CNTN3: variants seen among roughly 807,000 people sequenced by gnomAD.
CNTN3 encodes contactin-3.
A neutral mutation model predicts 119.1 loss-of-function variants in CNTN3; 60 were observed. That is an observed-to-expected ratio of 0.50 (90% CI 0.41 to 0.62). The LOEUF (loss-of-function observed/expected upper bound fraction) is 0.62, where lower values mean the gene tolerates loss of function less well. Among genes scored for constraint, CNTN3 ranks in the 20% least tolerant of loss-of-function variants. The pLI, the probability that CNTN3 is intolerant of heterozygous loss-of-function variation, is 0.00. For synonymous variants in CNTN3, 450 were observed against 438.7 expected, an observed-to-expected ratio of 1.03 and a Z score of -0.32; for missense variants, 1,101 against 1,242.4, an observed-to-expected ratio of 0.89 and a Z score of 1.71.
chr3:74,440,985 C>A (rs1459646133), intron 4 of CNTN3, among the ~76,000 whole-genome samples: 1 of 151,990 alleles, frequency 6.6e-6, no homozygotes, highest in Non-Finnish European at 1.5e-5. Flanking sequence ...GGAAACAATC[C>A]CCCATGGACA....
chr3:74,317,328 C>T (rs1477487988), intron 13 of CNTN3, among the ~76,000 whole-genome samples: 4 of 151,504 alleles, frequency 2.6e-5, no homozygotes, highest in Admixed American at 6.6e-5. Flanking sequence ...GAGCATTTAG[C>T]CCATTTACAT....
chr3:74,304,577 C>T (rs1038340058), intron 13 of CNTN3, among the ~76,000 whole-genome samples: 1 of 152,146 alleles, frequency 6.6e-6, no homozygotes, highest in Non-Finnish European at 1.5e-5. Flanking sequence ...TTTATGTCCT[C>T]ACATATCTGG....
chr3:74,280,048 G>C (rs574601421), intron 20 of CNTN3, among the ~76,000 whole-genome samples: 1 of 152,156 alleles, frequency 6.6e-6, no homozygotes, highest in East Asian at 1.9e-4. Flanking sequence ...CTAAATGTTT[G>C]AGGGGATGGA....
intron 13 of CNTN3, among the ~76,000 whole-genome samples, chr3:74,318,201 G>A (rs574192570): frequency 9.9e-5 from 15 of 152,178 alleles, no homozygotes; most frequent in African/African-American, 3.6e-4. Flanking sequence ...GCTCCTTTAA[G>A]GACTTCTCTG....
chr3:74,363,619 A>G (rs1234715815), intron 10 of CNTN3, among the ~76,000 whole-genome samples: 1 of 152,190 alleles, frequency 6.6e-6, no homozygotes, highest in East Asian at 1.9e-4. Context: ...GGCCAATGGC[A>G]TGCAACACTT....
At chr3:74,579,896 A>C (rs1199361341) in intron 1 of CNTN3, among the ~76,000 whole-genome samples, 2 of 152,154 alleles carry the variant, frequency 1.3e-5, no homozygotes, top group African/African-American at 2.4e-5. Context: ...AACAAACAAA[A>C]CATTTTAAAA....
chr3:74,337,585 A>C (rs1703428170), intron 11 of CNTN3, among the ~76,000 whole-genome samples: 1 of 152,092 alleles, frequency 6.6e-6, no homozygotes, highest in African/African-American at 2.4e-5. Context: ...GAACCAAGTG[A>C]AAGGGGTTCC....
chr3:74,347,119 G>A (rs1052586197), intron 11 of CNTN3, among the ~76,000 whole-genome samples: 2 of 152,074 alleles, frequency 1.3e-5, no homozygotes, highest in African/African-American at 4.8e-5. Flanking sequence ...GCCAAGTTGG[G>A]AGCTGTATAA....
At chr3:74,392,548 G>A (rs190390867) in intron 5 of CNTN3, among the ~76,000 whole-genome samples, 2 of 152,304 alleles carry the variant, frequency 1.3e-5, no homozygotes, top group East Asian at 3.9e-4. Flanking sequence ...TAGGTCGAGA[G>A]AATATTGTAC....
Position 74,551,869 on chromosome 3 carries a change from T to C in CNTN3, c.-80-30677A>G, listed in dbSNP as rs141444143. 4.0e-3 allele frequency among the ~76,000 whole-genome samples: 595 copies of C among 150,586 alleles called. 4 individuals carry two copies. The highest frequency in any genetic ancestry group is 0.014 in the African/African-American group (557 of 40,982). On this transcript the variant is annotated intron_variant, in intron 1 of 22. Transcript: ENST00000263665. ...GCCTCTGCCTTGTGGGTTCCAGAGA[T>C]TGTCCTGTCTCAGCCTCCTGGGTAG...
intron 11 of CNTN3, among the ~76,000 whole-genome samples, chr3:74,353,426 G>C (rs573744545): frequency 1.1e-3 from 172 of 152,296 alleles, no homozygotes; most frequent in Non-Finnish European, 2.1e-3. Context: ...TACTTGATCA[G>C]GGTGGAGATG....
At chr3:74,530,912 G>A (rs1291537710) in intron 1 of CNTN3, among the ~76,000 whole-genome samples, 2 of 151,864 alleles carry the variant, frequency 1.3e-5, no homozygotes, top group African/African-American at 2.4e-5. Context: ...AGAACCACTG[G>A]AAGAAAACGC....
chr3:74,555,341 C>G (rs1031290784), intron 1 of CNTN3, among the ~76,000 whole-genome samples: 10 of 152,124 alleles, frequency 6.6e-5, no homozygotes, highest in African/African-American at 2.4e-4. Context: ...ATTTTTGCAT[C>G]AATGATCATC....
intron 1 of CNTN3, among the ~76,000 whole-genome samples, chr3:74,588,189 A>G (rs1031185741): frequency 6.6e-6 from 1 of 152,000 alleles, no homozygotes; most frequent in African/African-American, 2.4e-5. Context: ...GTTTGCCAGT[A>G]TTTTATTGAG....
At chr3:74,449,505 C>T (rs2106944444) in intron 4 of CNTN3, among the ~76,000 whole-genome samples, 1 of 152,120 alleles carries the variant, frequency 6.6e-6, no homozygotes, top group African/African-American at 2.4e-5. Context: ...TTTCCAGGCC[C>T]CAGTCCTAAA....
rs1173477472 is a variant in CNTN3, at chr3:74,263,296, T to C, written c.*1105A>G. ...AATTTAACTCAGGAACTAAAAAGCC[T>C]GCCAGACTCACTCAGATAGATGGTG... On this transcript the variant is annotated 3_prime_UTR_variant, in exon 23 of 23. Transcript: ENST00000263665. 1 of 152,078 alleles carries C rather than the reference T, an allele frequency of 6.6e-6. No homozygotes were observed. The highest frequency in any genetic ancestry group is 1.5e-5 in the Non-Finnish European group (1 of 67,978). The allele number at this position is 152,078 out of a possible 1,614,324, so 9.4% of individuals were successfully genotyped here. A position where few individuals can be genotyped will look rare whatever the true frequency, so the allele number is the denominator to read the frequency against.
chr3:74,542,249 C>G (rs1412055590), intron 1 of CNTN3, among the ~76,000 whole-genome samples: 1 of 152,048 alleles, frequency 6.6e-6, no homozygotes, highest in Non-Finnish European at 1.5e-5. Context: ...GTAGCATACT[C>G]TAGCCTCTTC....
chr3:74,444,188 T>G (rs945002923), intron 4 of CNTN3, among the ~76,000 whole-genome samples: 3 of 152,236 alleles, frequency 2.0e-5, no homozygotes, highest in Non-Finnish European at 4.4e-5. Context: ...CACTCTAGTA[T>G]GGCTCATCTT....
At chr3:74,579,269 G>A (rs1312032312) in intron 1 of CNTN3, among the ~76,000 whole-genome samples, 3 of 150,956 alleles carry the variant, frequency 2.0e-5, no homozygotes, top group Non-Finnish European at 2.9e-5. Flanking sequence ...CAAATTGACA[G>A]ATCTAAAGAG....
Sources: allele counts gnomAD v4.1 joint callset (sites outside exome capture counted in the v4.1 genomes callset), GRCh38; gene constraint gnomAD v4.1.1; transcripts MANE v1.5; gene names NCBI Gene and HGNC (gene_info 2026-07-23, HGNC 2026-07-21).